Variants in THSD4 observed in about 807,000 individuals in gnomAD.
THSD4 encodes thrombospondin type 1 domain containing 4.
Under a neutral mutation model 119.0 loss-of-function variants are expected in THSD4, and 69 were observed. The ratio of observed to expected loss-of-function variants is 0.58; its 90% CI spans 0.48 to 0.71. The LOEUF is 0.71. THSD4 is among the 30% of genes least tolerant of loss of function. The probability of loss-of-function intolerance (pLI) is 0.00; values close to 1 mark genes in which losing one functional copy is unlikely to be tolerated. For missense variants in THSD4, 1,393 were observed against 1,391.1 expected, an observed-to-expected ratio of 1.00 and a Z score of -0.02; for synonymous variants, 524 against 540.4, an observed-to-expected ratio of 0.97 and a Z score of 0.42.
chr15:71,609,015 T>A (rs2050170170), intron 7 of THSD4, among the ~76,000 whole-genome samples: 1 of 152,144 alleles, frequency 6.6e-6, no homozygotes, highest in Admixed American at 6.5e-5. Context: ...ATCTGGAAAG[T>A]GACATAAAGT....
At chr15:71,600,764 CAG>C (rs2049994858) in intron 7 of THSD4, among the ~76,000 whole-genome samples, 1 of 146,226 alleles carries the variant, frequency 6.8e-6, no homozygotes, top group Non-Finnish European at 1.5e-5. Flanking sequence ...TTTTTTGAGA[CAG>C]AGTCTTGCTC....
At chr15:71,691,711 C>G (rs1426927423) in intron 8 of THSD4, among the ~76,000 whole-genome samples, 1 of 152,168 alleles carries the variant, frequency 6.6e-6, no homozygotes, top group Non-Finnish European at 1.5e-5. Context: ...TCTTCCCTCC[C>G]CTGGGAAGTG....
At chr15:71,401,883 A>C (rs1362573337) in intron 6 of THSD4, among the ~76,000 whole-genome samples, 1 of 152,260 alleles carries the variant, frequency 6.6e-6, no homozygotes, top group Non-Finnish European at 1.5e-5. Context: ...CTGGATTAAG[A>C]AAATATGGCA....
chr15:71,386,983 T>G (rs757132787), intron 6 of THSD4, among the ~76,000 whole-genome samples: 58 of 152,236 alleles, frequency 3.8e-4, no homozygotes, highest in Non-Finnish European at 5.4e-4. Context: ...CTTGCTACTT[T>G]AGGAGGCAAG....
At chr15:71,099,477 CTA>C (rs2040245100) in intron 1 of THSD4, among the ~76,000 whole-genome samples, 1 of 152,048 alleles carries the variant, frequency 6.6e-6, no homozygotes, top group African/African-American at 2.4e-5. Context: ...TTTAGGATTG[CTA>C]TGTTTTCACA....
intron 7 of THSD4, among the ~76,000 whole-genome samples, chr15:71,579,413 G>A (rs552421885): frequency 3.3e-5 from 5 of 152,294 alleles, no homozygotes; most frequent in African/African-American, 7.2e-5. Context: ...ATGGAGTTCC[G>A]ATGAGAAAGG....
chr15:71,656,246 A>G lies in THSD4; in HGVS notation c.1153-4284A>G, dbSNP rs140710788. 2.8e-4 allele frequency among the ~76,000 whole-genome samples: 43 copies of G among 152,338 alleles called. No homozygotes were observed. The East Asian group carries it at 5.8e-3, about 20-fold the overall frequency. On this transcript the variant is annotated intron_variant, in intron 7 of 17. Transcript: ENST00000261862. ...AGTTAATAGTAGTATACTGCTGTCA[A>G]TGGCATACATGGTTTTGACAAAGTG... is the stretch of plus-strand genomic sequence containing the variant.
At chr15:71,431,743 A>G (rs1401713941) in intron 7 of THSD4, among the ~76,000 whole-genome samples, 2 of 152,210 alleles carry the variant, frequency 1.3e-5, no homozygotes, top group Admixed American at 1.3e-4. Context: ...CAAGGCTTGT[A>G]TACCATAGGG....
intron 7 of THSD4, among the ~76,000 whole-genome samples, chr15:71,557,017 C>A (rs1334722575): frequency 5.3e-5 from 8 of 152,050 alleles, no homozygotes; most frequent in Admixed American, 5.2e-4. Context: ...ATGGCTAGAA[C>A]CTCCAGCAAA....
chr15:71,251,027 C>T (rs143081418), intron 5 of THSD4, among the ~76,000 whole-genome samples: 113 of 152,298 alleles, frequency 7.4e-4, no homozygotes, highest in African/African-American at 2.5e-3. Context: ...ACTCTTTGGA[C>T]AAACTAGTTA....
intron 10 of THSD4, among the ~76,000 whole-genome samples, chr15:71,735,817 T>C (rs1463760784): frequency 6.6e-6 from 1 of 151,462 alleles, no homozygotes; most frequent in East Asian, 1.9e-4. Context: ...TCTCTATCTC[T>C]CTGTCTCTCT....
intron 7 of THSD4, among the ~76,000 whole-genome samples, chr15:71,602,553 C>CCA (rs1303094476): frequency 1.9e-5 from 1 of 53,878 alleles, no homozygotes; most frequent in Non-Finnish European, 3.3e-5. Context: ...AACTCTGTCT[C>CCA]AAAAAAAAAA....
chr15:71,621,912 G>C (rs2050425003), intron 7 of THSD4, among the ~76,000 whole-genome samples: 2 of 152,208 alleles, frequency 1.3e-5, no homozygotes, highest in South Asian at 4.1e-4. Context: ...TGGGTAACTT[G>C]TTGCTTGATT....
intron 7 of THSD4, among the ~76,000 whole-genome samples, chr15:71,633,929 G>A (rs2050686527): frequency 6.6e-6 from 1 of 152,178 alleles, no homozygotes; most frequent in African/African-American, 2.4e-5. Flanking sequence ...GCTCATGCCT[G>A]TAATCCCAGT....
At chr15:71,269,626 A>G (rs1269862437) in intron 6 of THSD4, among the ~76,000 whole-genome samples, 2 of 152,212 alleles carry the variant, frequency 1.3e-5, no homozygotes, top group Non-Finnish European at 2.9e-5. Flanking sequence ...AAATAAATAA[A>G]TGGTATTAAA....
chr15:71,335,167 T>G (rs1054578582), intron 6 of THSD4, among the ~76,000 whole-genome samples: 4 of 152,190 alleles, frequency 2.6e-5, no homozygotes, highest in African/African-American at 7.2e-5. Context: ...GTTAATTACA[T>G]GAGACAATAC....
Position 71,758,234 on chromosome 15 carries a change from C to A in THSD4, c.2589+159C>A, listed in dbSNP as rs989404284. ...GGAGAAGCTATTTATATTTCTGGAG[C>A]CTCAGTCAGTCAACAGTATTCATTG... On this transcript the variant is annotated intron_variant, in intron 15 of 17. Coordinates refer to ENST00000261862, the MANE Select transcript of THSD4 (RefSeq NM_024817.3). 4.6e-5 allele frequency among the ~76,000 whole-genome samples: 7 copies of A among 152,232 alleles called. 1 individual carries two copies. Among genetic ancestry groups the A allele is most frequent in the African/African-American group, 9.6e-5 (4 of 41,472 alleles).
intron 1 of THSD4, among the ~76,000 whole-genome samples, chr15:71,105,987 G>T (rs1392582599): frequency 6.6e-6 from 1 of 152,178 alleles, no homozygotes; most frequent in Non-Finnish European, 1.5e-5. Flanking sequence ...AAGAGGGTTT[G>T]GGGGGTGGGA....
At chr15:71,628,454 A>G (rs925569921) in intron 7 of THSD4, among the ~76,000 whole-genome samples, 2 of 152,194 alleles carry the variant, frequency 1.3e-5, no homozygotes, top group African/African-American at 4.8e-5. Context: ...GCAGCAATCA[A>G]GGAGCAGAAC....
Sources: allele counts gnomAD v4.1 joint callset (sites outside exome capture counted in the v4.1 genomes callset), GRCh38; gene constraint gnomAD v4.1.1; transcripts MANE v1.5; gene names NCBI Gene and HGNC (gene_info 2026-07-23, HGNC 2026-07-21).